STN1: variants seen among roughly 807,000 people sequenced by gnomAD.
The protein encoded by STN1 is CST complex subunit STN1.
STN1 carries 29 observed loss-of-function variants against 45.5 expected under a neutral mutation model. That is an observed-to-expected ratio of 0.64 (90% CI 0.47 to 0.87). The LOEUF (loss-of-function observed/expected upper bound fraction) is 0.87. Among genes scored for constraint, STN1 ranks in the 40% least tolerant of loss-of-function variants. STN1 has a pLI of 0.00. For missense variants in STN1, 376 were observed against 441.4 expected (o/e 0.85, Z 1.33); for synonymous variants, 148 against 159.0 (o/e 0.93, Z 0.52).
intron 2 of STN1, among the ~76,000 whole-genome samples, chr10:103,914,144 G>C (rs1188713247): frequency 1.3e-5 from 2 of 151,746 alleles, no homozygotes; most frequent in African/African-American, 4.8e-5. Flanking sequence ...TTTTCAACCA[G>C]ATTTAATATA....
chr10:103,897,792 G>C (rs1222069586), intron 6 of STN1, 73 bp from the exon 7 acceptor site: 3 of 1,480,660 alleles, frequency 2.0e-6, no homozygotes, highest in South Asian at 2.4e-5. Flanking sequence ...ATAAAAACCA[G>C]AAAATTAGCT....
rs1164777125 is a variant in STN1 at position 103,881,613 on chromosome 10, CCTAAAGGATCTCCAGCT to C, written c.*1054_*1070del. Among the ~76,000 whole-genome samples, 2 of 152,194 alleles carry C rather than the reference CCTAAAGGATCTCCAGCT, an allele frequency of 1.3e-5. No homozygotes were observed. Among genetic ancestry groups the C allele is most frequent in the African/African-American group, 4.8e-5 (2 of 41,432 alleles). ...ACGGAGAGAGGAGCAACTCTCCAGG[CCTAAAGGATCTCCAGCT>C]GAGCCACGAAGAGCTTATCACATCA... On this transcript the variant is annotated 3_prime_UTR_variant, in exon 10 of 10. Transcript: ENST00000224950.
At chr10:103,887,259 G>C (rs1476738583) in intron 9 of STN1, among the ~76,000 whole-genome samples, 1 of 152,146 alleles carries the variant, frequency 6.6e-6, no homozygotes, top group Admixed American at 6.5e-5. Flanking sequence ...TAAAATACAA[G>C]GTGTAGGACA....
At chr10:103,892,286 A>T in intron 7 of STN1, 34 bp from the exon 8 acceptor site, 1 of 1,570,412 alleles carries the variant, frequency 6.4e-7, no homozygotes, top group Non-Finnish European at 8.6e-7. Context: ...AAGAAAAGAA[A>T]TAAGTCTCAC....
intron 4 of STN1, 45 bp downstream of exon 4, chr10:103,905,046 C>A (rs1843231714): frequency 1.3e-6 from 2 of 1,534,994 alleles, no homozygotes; most frequent in South Asian, 2.2e-5. Context: ...TGAGTAAAAT[C>A]CATTAGTTAG....
At chr10:103,904,971 T>C (rs760518206) in intron 4 of STN1, 120 bp downstream of exon 4, 209 of 858,896 alleles carry the variant, frequency 2.4e-4, no homozygotes, top group Admixed American at 4.2e-4. Flanking sequence ...TTCAGGTAGA[T>C]CAATGTAACT....
chr10:103,915,442 C>T (rs528364259), intron 2 of STN1, among the ~76,000 whole-genome samples: 47 of 152,194 alleles, frequency 3.1e-4, no homozygotes, highest in African/African-American at 8.7e-4. Context: ...AAGTGTGGTT[C>T]GAGAGGGCAC....
chr10:103,882,909 C>T (rs1419323138), intron 9 of STN1, 68 bp from the exon 10 acceptor site: 8 of 1,477,152 alleles, frequency 5.4e-6, no homozygotes, highest in Non-Finnish European at 7.3e-6. Flanking sequence ...CTCTCCATAC[C>T]TGACTTGGCA....
At chr10:103,886,769 T>C (rs1374486619) in intron 9 of STN1, among the ~76,000 whole-genome samples, 1 of 152,202 alleles carries the variant, frequency 6.6e-6, no homozygotes, top group East Asian at 1.9e-4. Flanking sequence ...TTCATTTACT[T>C]CTTATAAAAA....
chr10:103,889,560 C>T, intron 8 of STN1, among the ~76,000 whole-genome samples: 1 of 144,166 alleles, frequency 6.9e-6, no homozygotes, highest in Non-Finnish European at 1.5e-5. Context: ...CTTCTCCCAA[C>T]CACAAGGAAA....
chr10:103,887,675 C>T (rs377660984), intron 9 of STN1, among the ~76,000 whole-genome samples: 1 of 152,160 alleles, frequency 6.6e-6, no homozygotes, highest in African/African-American at 2.4e-5. Context: ...TGGCTAGTGG[C>T]TTTTAGAGGC....
rs906788300 is a variant in STN1 at position 103,879,244 on chromosome 10, A to G, written c.*3440T>C. 2 of 152,308 alleles carry G rather than the reference A, an allele frequency of 1.3e-5. No homozygotes were observed. The highest frequency in any genetic ancestry group is 2.4e-5 in the African/African-American group (1 of 41,452). The allele number at this position is 152,308 out of a possible 1,614,324, so 9.4% of individuals were successfully genotyped here. On this transcript the variant is annotated 3_prime_UTR_variant, in exon 10 of 10. Coordinates refer to ENST00000224950, the MANE Select transcript of STN1 (RefSeq NM_024928.5). ...AGGCACTGTTCTAGGTGCTGGGGAC[A>G]TGGAAGGAAACAAAACAGAGAATTC...
At chr10:103,892,819 G>A (rs571259867) in intron 7 of STN1, among the ~76,000 whole-genome samples, 1 of 152,304 alleles carries the variant, frequency 6.6e-6, no homozygotes, top group East Asian at 1.9e-4. Context: ...ACCTAGAAGG[G>A]ACCTCTGCTG....
At chr10:103,896,426 A>G (rs1318287398) in intron 7 of STN1, among the ~76,000 whole-genome samples, 7 of 152,170 alleles carry the variant, frequency 4.6e-5, no homozygotes, top group African/African-American at 1.7e-4. Context: ...ATTTAAGCTG[A>G]GATCATTCCC....
chr10:103,910,696 G>C lies in STN1; in HGVS notation c.134-74C>G, dbSNP rs184700743. 5.0e-4 allele frequency: 398 copies of C among 790,858 alleles called. No individual in the cohort carries two copies. The African/African-American group carries it at 5.1e-3, about 10-fold the overall frequency. The allele number at this position is 790,858 out of a possible 1,614,324, so 49.0% of individuals were successfully genotyped here. On this transcript the variant is annotated intron_variant, in intron 2 of 9. Transcript: ENST00000224950. ...TGCTTCAATAAATCTTAACTTGTAG[G>C]GGGGAAGGGAGTGTAAAAAAATCAA...
At chr10:103,883,988 G>A (rs778162759) in intron 9 of STN1, among the ~76,000 whole-genome samples, 8 of 149,050 alleles carry the variant, frequency 5.4e-5, no homozygotes, top group Non-Finnish European at 7.4e-5. Context: ...TACTTGGGAG[G>A]TTGAGGCAGG....
At position 103,880,657 on chromosome 10, in the gene STN1, T is replaced by C. The variant is rs1269873425; in HGVS notation, c.*2027A>G. Among the ~76,000 whole-genome samples the C allele has an allele frequency of 2.0e-5, 3 of 152,168 alleles. No homozygotes were observed. Among genetic ancestry groups the C allele is most frequent in the South Asian group, 2.1e-4 (1 of 4,834 alleles). On this transcript the variant is annotated 3_prime_UTR_variant, in exon 10 of 10. Coordinates refer to ENST00000224950, the MANE Select transcript of STN1 (RefSeq NM_024928.5). ...TCTGCAGTTCAGGGAAGAGGCCCAT[T>C]CTGGGTTTAAACTGAGGTGTTAGAC...
chr10:103,878,121 A>G lies in STN1; in HGVS notation c.*4563T>C, dbSNP rs536786321. On this transcript the variant is annotated 3_prime_UTR_variant, in exon 10 of 10. Coordinates refer to ENST00000224950, the MANE Select transcript of STN1 (RefSeq NM_024928.5). ...GAAGTGTCTTACAGGGATGGGGAGCACTGGTGGCTTACCATATGGGCATAA... is the reference window on the plus strand; with the variant it reads ...GAAGTGTCTTACAGGGATGGGGAGCGCTGGTGGCTTACCATATGGGCATAA... 5 of 152,376 alleles carry G rather than the reference A, an allele frequency of 3.3e-5. No individual in the cohort carries two copies. In the South Asian group the frequency reaches 1.0e-3, roughly 32 times the overall value. 9.4% of individuals were successfully genotyped at this position (152,376 alleles called of 1,614,324 possible).
chr10:103,913,668 T>TTTTCTTG (rs1203466533), intron 2 of STN1, among the ~76,000 whole-genome samples: 1 of 152,076 alleles, frequency 6.6e-6, no homozygotes, highest in Non-Finnish European at 1.5e-5. Context: ...GAAAAAAGAA[T>TTTTCTTG]TAGAGAGCCA....
Sources: allele counts gnomAD v4.1 joint callset (sites outside exome capture counted in the v4.1 genomes callset), GRCh38; gene constraint gnomAD v4.1.1; transcripts MANE v1.5; gene names NCBI Gene and HGNC (gene_info 2026-07-23, HGNC 2026-07-21).